The following CPOX variants were observed in gnomAD, a reference collection of about 807,000 sequenced individuals.
CPOX encodes the protein oxygen-dependent coproporphyrinogen-III oxidase, mitochondrial.
Under a neutral mutation model 48.9 loss-of-function variants are expected in CPOX, and 24 were observed. The observed-to-expected ratio is 0.49, with a 90% CI of 0.36 to 0.69. CPOX has a LOEUF of 0.69. CPOX is among the 30% of genes least tolerant of loss of function. The pLI is 0.00. For missense variants in CPOX, 549 were observed against 597.3 expected, an observed-to-expected ratio of 0.92 and a Z score of 0.84; for synonymous variants, 249 against 234.6, an observed-to-expected ratio of 1.06 and a Z score of -0.56.
At chr3:98,571,051 C>T in the CPOX span, among the ~76,000 whole-genome samples, 1 of 152,218 alleles carries the variant, frequency 6.6e-6, no homozygotes, top group Non-Finnish European at 1.5e-5. Flanking sequence ...ATACACATAA[C>T]ATGAGTCTAG....
chr3:98,581,435 T>C lies in CPOX; in HGVS notation c.1249A>G (p.Ile417Val). The change falls in exon 6 of 7, where the codon ATC becomes GTC. Residue 417 changes from isoleucine to valine, a missense_variant. Physicochemically the swap from Ile to Val is conservative, Grantham distance 29. This residue lies in a region of CPOX where 213 missense variants were observed against 279.1 expected (regional missense o/e 0.76). Transcript: ENST00000647941. ...GCAGTTAGAGGTAAAGACATCAAGA[T>C]ACTTTCAATTCTGGATCCTGGAGTG... ...LFTPGSRIES[I>V]LMSLPLTARW... 1 of 1,613,942 alleles carries C rather than the reference T, an allele frequency of 6.2e-7. No individual in the cohort carries two copies. Among genetic ancestry groups the C allele is most frequent in the South Asian group, 1.1e-5 (1 of 91,078 alleles).
downstream of CPOX, among the ~76,000 whole-genome samples, chr3:98,576,815 C>G (rs1707167790): frequency 6.6e-6 from 1 of 152,042 alleles, no homozygotes; most frequent in African/African-American, 2.4e-5. Flanking sequence ...ATACAGACAA[C>G]TAAACAACAC....
At chr3:98,573,034 T>TCA in the CPOX span, among the ~76,000 whole-genome samples, 1 of 152,214 alleles carries the variant, frequency 6.6e-6, no homozygotes. Flanking sequence ...CTTCACTGAA[T>TCA]CACACACACC....
At chr3:98,574,415 A>G in the CPOX span, among the ~76,000 whole-genome samples, 1 of 152,174 alleles carries the variant, frequency 6.6e-6, no homozygotes, top group African/African-American at 2.4e-5. Flanking sequence ...TAAGATGAAG[A>G]GTCGGGGTGG....
At chr3:98,578,686 C>T (rs1209662489), downstream of CPOX, among the ~76,000 whole-genome samples, 2 of 152,192 alleles carry the variant, frequency 1.3e-5, no homozygotes, top group East Asian at 1.9e-4. Flanking sequence ...ATAATGTAGT[C>T]ATATAGTAAG....
chr3:98,592,993 T>C lies in CPOX; in HGVS notation c.512A>G (p.Asp171Gly). ...AQVCQALAQV[D>G]GGANFSVDRW... ...GTCCACAGAAAAGTTGGCGCCCCCG[T>C]CTACCTGTGCCAGAGCCTGGCACAC... Residue 171 changes from aspartate to glycine, a missense_variant, in exon 1 of 7, where the codon GAC (aspartate) becomes GGC (glycine). Physicochemically the swap from Asp to Gly is moderately conservative, Grantham distance 94. Around this residue, in one of 2 missense-constraint regions of CPOX, gnomAD observed 336 missense variants for 318.1 expected, o/e 1.06. Transcript: ENST00000647941. 1.9e-6 allele frequency: 3 copies of C among 1,613,716 alleles called. No homozygotes were observed. Among genetic ancestry groups the C allele is most frequent in the Non-Finnish European group, 2.5e-6 (3 of 1,179,886 alleles).
chr3:98,572,704 A>G, the CPOX span, among the ~76,000 whole-genome samples: 2 of 152,322 alleles, frequency 1.3e-5, no homozygotes, highest in Admixed American at 1.3e-4. Context: ...TCTAAAACCA[A>G]TGGGAAATTA....
chr3:98,591,932 G>A (rs531866052), intron 1 of CPOX, among the ~76,000 whole-genome samples: 1 of 151,144 alleles, frequency 6.6e-6, no homozygotes, highest in Non-Finnish European at 1.5e-5. Flanking sequence ...CTATGCTTCA[G>A]ACAATATTCT....
the CPOX span, among the ~76,000 whole-genome samples, chr3:98,571,697 A>G: frequency 2.2e-5 from 3 of 136,364 alleles, no homozygotes; most frequent in South Asian, 2.3e-4. Context: ...CAAAAAAAAA[A>G]AGAAAAAAGA....
At chr3:98,574,688 T>A (rs1284814707), downstream of CPOX, among the ~76,000 whole-genome samples, 1 of 152,200 alleles carries the variant, frequency 6.6e-6, no homozygotes, top group Non-Finnish European at 1.5e-5. Flanking sequence ...TTCAAGCGAT[T>A]CTCCTGCCTC....
At chr3:98,589,502 T>G (rs2107128017) in intron 3 of CPOX, among the ~76,000 whole-genome samples, 1 of 136,100 alleles carries the variant, frequency 7.3e-6, no homozygotes, top group East Asian at 2.0e-4. Flanking sequence ...ATAGCTCTTC[T>G]AGATCACAAT....
chr3:98,575,935 G>A (rs1707155560), downstream of CPOX, among the ~76,000 whole-genome samples: 1 of 152,052 alleles, frequency 6.6e-6, no homozygotes, highest in African/African-American at 2.4e-5. Flanking sequence ...AGCCGGGCGT[G>A]CTGGCACATG....
intron 5 of CPOX, among the ~76,000 whole-genome samples, chr3:98,581,887 G>C (rs7617675): frequency 0.1 from 15,228 of 152,170 alleles, 823 homozygotes; most frequent in African/African-American, 0.12. Context: ...TCATAATCTG[G>C]AATGTTTTGG....
chr3:98,588,925 T>C, intron 3 of CPOX, 71 bp from the exon 4 acceptor site: 3 of 1,536,058 alleles, frequency 2.0e-6, no homozygotes, highest in Non-Finnish European at 2.7e-6. Flanking sequence ...ATTAGGACAC[T>C]TAATTTAGCA....
At chr3:98,572,494 T>C in the CPOX span, among the ~76,000 whole-genome samples, 3 of 152,230 alleles carry the variant, frequency 2.0e-5, no homozygotes, top group African/African-American at 7.2e-5. Flanking sequence ...TATTTATTGA[T>C]ATGTATGCCA....
chr3:98,585,330 G>C (rs766610704), intron 5 of CPOX, 111 bp downstream of exon 5: 25 of 864,452 alleles, frequency 2.9e-5, no homozygotes, highest in Non-Finnish European at 4.7e-5. Flanking sequence ...TCTATGAAAA[G>C]AAATTAACAC....
At chr3:98,578,321 T>G, downstream of CPOX, 2 of 613,664 alleles carry the variant, frequency 3.3e-6, no homozygotes, top group Non-Finnish European at 4.1e-6. Context: ...CGCCACAGCT[T>G]TAAACACAAC....
downstream of CPOX, among the ~76,000 whole-genome samples, chr3:98,576,072 CAAAAAAA>C (rs56988806): frequency 1.1e-3 from 79 of 71,420 alleles, no homozygotes; most frequent in Admixed American, 3.2e-3. Context: ...AACTCTGCCT[CAAAAAAA>C]AAAAAAAAAA....
downstream of CPOX, among the ~76,000 whole-genome samples, chr3:98,577,553 T>A (rs545115985): frequency 6.6e-6 from 1 of 152,264 alleles, no homozygotes; most frequent in East Asian, 1.9e-4. Flanking sequence ...TGGTTTTGAG[T>A]GTGGAAGGCT....
Sources: allele counts gnomAD v4.1 joint callset (sites outside exome capture counted in the v4.1 genomes callset), GRCh38; gene constraint gnomAD v4.1.1; regional missense constraint gnomAD v4.1.1; transcripts MANE v1.5; gene names NCBI Gene and HGNC (gene_info 2026-07-23, HGNC 2026-07-21).